PRKCZ: variants seen among roughly 807,000 people sequenced by gnomAD.
PRKCZ encodes the protein protein kinase C zeta type.
A neutral mutation model predicts 79.5 loss-of-function variants in PRKCZ; 33 were observed. The observed-to-expected ratio is 0.41, with a 90% CI of 0.31 to 0.55. The LOEUF is 0.55. PRKCZ is among the 20% of genes least tolerant of loss of function. PRKCZ has a pLI of 0.19. For missense variants in PRKCZ, 578 were observed against 813.5 expected (o/e 0.71, Z 3.52); for synonymous variants, 342 against 320.9 (o/e 1.07, Z -0.70).
intron 4 of PRKCZ, among the ~76,000 whole-genome samples, chr1:2,067,885 C>T (rs1661252666): frequency 6.6e-6 from 1 of 152,204 alleles, no homozygotes; most frequent in Non-Finnish European, 1.5e-5. Context: ...AATATATTTT[C>T]TTCCATTTTG....
chr1:2,056,964 G>A (rs553915320), intron 3 of PRKCZ, among the ~76,000 whole-genome samples: 3 of 152,236 alleles, frequency 2.0e-5, no homozygotes, highest in Admixed American at 6.5e-5. Context: ...TCCTGACCTC[G>A]TGATCTGCCT....
At chr1:2,079,077 T>C (rs946791143) in intron 4 of PRKCZ, among the ~76,000 whole-genome samples, 35 of 152,148 alleles carry the variant, frequency 2.3e-4, no homozygotes, top group African/African-American at 7.5e-4. Context: ...CTTCTGACCT[T>C]GTGATCCGCC....
At chr1:2,095,601 G>C (rs911925654) in intron 4 of PRKCZ, among the ~76,000 whole-genome samples, 2 of 152,046 alleles carry the variant, frequency 1.3e-5, no homozygotes, top group Non-Finnish European at 2.9e-5. Context: ...TGCATGGGTG[G>C]TGCCGGCCGG....
chr1:2,079,494 G>GCC (rs2102373582), intron 4 of PRKCZ, among the ~76,000 whole-genome samples: 1 of 152,350 alleles, frequency 6.6e-6, no homozygotes, highest in East Asian at 1.9e-4. Flanking sequence ...GCGTGGTCAG[G>GCC]CCCCAGCTCT....
chr1:2,087,857 G>A (rs77507826), intron 4 of PRKCZ, among the ~76,000 whole-genome samples: 4,713 of 152,248 alleles, frequency 0.031, 244 homozygotes, highest in East Asian at 0.13. Context: ...TGGCCTGTCC[G>A]GGCACCGGGG....
chr1:2,073,737 G>C, intron 4 of PRKCZ: 1 of 998,826 alleles, frequency 1.0e-6, no homozygotes, highest in Non-Finnish European at 1.2e-6. Flanking sequence ...AGGGATGTGA[G>C]GGGCGGGGGA....
At chr1:2,089,741 C>T (rs559394831) in intron 4 of PRKCZ, among the ~76,000 whole-genome samples, 23 of 152,240 alleles carry the variant, frequency 1.5e-4, no homozygotes, top group African/African-American at 5.1e-4. Flanking sequence ...GTGCTGGGGC[C>T]GCTGTAGCAA....
At chr1:2,147,190 A>G (rs1306095892) in intron 7 of PRKCZ, among the ~76,000 whole-genome samples, 1 of 109,932 alleles carries the variant, frequency 9.1e-6, no homozygotes, top group African/African-American at 3.7e-5. Flanking sequence ...TCTCCATCCA[A>G]CCGTCTATTG....
At chr1:2,154,184 C>T (rs1479056011) in intron 9 of PRKCZ, among the ~76,000 whole-genome samples, 2 of 152,216 alleles carry the variant, frequency 1.3e-5, no homozygotes, top group Non-Finnish European at 2.9e-5. Flanking sequence ...ACTAGGTCTT[C>T]AGCCACTGGA....
At chr1:2,078,204 C>CT (rs1359192158) in intron 4 of PRKCZ, among the ~76,000 whole-genome samples, 1 of 152,244 alleles carries the variant, frequency 6.6e-6, no homozygotes, top group Non-Finnish European at 1.5e-5. Context: ...CTCTGGCTCC[C>CT]TCTCTTCCTC....
intron 4 of PRKCZ, among the ~76,000 whole-genome samples, chr1:2,081,460 T>C (rs1663500665): frequency 6.6e-6 from 1 of 152,138 alleles, no homozygotes; most frequent in South Asian, 2.1e-4. Flanking sequence ...GAGTCTGGGC[T>C]GTGGGCATGG....
intron 4 of PRKCZ, among the ~76,000 whole-genome samples, chr1:2,096,864 C>G (rs1157844807): frequency 6.6e-6 from 1 of 152,184 alleles, no homozygotes; most frequent in African/African-American, 2.4e-5. Context: ...ATGAGGCACC[C>G]TGGGGAGGAC....
intron 4 of PRKCZ, among the ~76,000 whole-genome samples, chr1:2,122,129 G>A (rs868674217): frequency 0.099 from 645 of 6,548 alleles, 6 homozygotes; most frequent in East Asian, 0.35. Context: ...TCACGGTGGT[G>A]GTTAGGGTCG....
chr1:2,166,845 C>T (rs556479044), intron 10 of PRKCZ, among the ~76,000 whole-genome samples: 8 of 152,358 alleles, frequency 5.3e-5, no homozygotes, highest in African/African-American at 1.2e-4. Context: ...CCTGGCCTTG[C>T]GCCCCTGCCT....
chr1:2,071,961 G>A lies in PRKCZ; in HGVS notation c.334+12370G>A, dbSNP rs559685574. On this transcript the variant is annotated intron_variant, in intron 4 of 17. Transcript: ENST00000378567. ...TGCACGCTGAAATCTGAATTTTATA[G>A]ACTCTTCCGGTGTTTCAAAATATTA... Among the ~76,000 whole-genome samples, 11 of 152,354 alleles carry A rather than the reference G, an allele frequency of 7.2e-5. No individual in the cohort carries two copies. In the East Asian group the frequency reaches 7.7e-4, roughly 11 times the overall value.
intron 4 of PRKCZ, among the ~76,000 whole-genome samples, chr1:2,130,037 G>C (rs1041106422): frequency 6.6e-6 from 1 of 152,000 alleles, no homozygotes; most frequent in Admixed American, 6.5e-5. Context: ...CGAGTAGCTG[G>C]GACTATAGGT....
intron 4 of PRKCZ, chr1:2,073,817 G>C (rs1661876298): frequency 9.6e-7 from 1 of 1,036,740 alleles, no homozygotes. Flanking sequence ...GTCGGGGCCG[G>C]AGGCGAGCCG....
At chr1:2,151,266 C>T (rs1679851347) in intron 9 of PRKCZ, among the ~76,000 whole-genome samples, 1 of 152,254 alleles carries the variant, frequency 6.6e-6, no homozygotes, top group African/African-American at 2.4e-5. Flanking sequence ...TCCCAGGCTG[C>T]AAGCCCGTAC....
intron 8 of PRKCZ, among the ~76,000 whole-genome samples, chr1:2,150,226 C>T (rs894012919): frequency 2.0e-5 from 3 of 151,986 alleles, no homozygotes; most frequent in African/African-American, 7.3e-5. Flanking sequence ...CCCAAGGAAC[C>T]GCCTCCTCCA....
Sources: allele counts gnomAD v4.1 joint callset (sites outside exome capture counted in the v4.1 genomes callset), GRCh38; gene constraint gnomAD v4.1.1; transcripts MANE v1.5; gene names NCBI Gene and HGNC (gene_info 2026-07-23, HGNC 2026-07-21).